The following PCDHGA5 variants were observed in gnomAD, a reference collection of about 807,000 sequenced individuals.
PCDHGA5 encodes protocadherin gamma subfamily A, 5, also known as protocadherin gamma-A5.
A neutral mutation model predicts 56.7 loss-of-function variants in PCDHGA5; 36 were observed. That is an observed-to-expected ratio of 0.64 (90% confidence interval 0.49 to 0.84). The LOEUF (loss-of-function observed/expected upper bound fraction) is 0.84, where lower values mean the gene tolerates loss of function less well. Ranked by LOEUF, PCDHGA5 falls within the 40% of genes least tolerant of loss-of-function variation. The pLI, the probability that PCDHGA5 is intolerant of heterozygous loss-of-function variation, is 0.00. For missense variants in PCDHGA5, 1,305 were observed against 1,201.5 expected (o/e 1.09, Z -1.27); for synonymous variants, 563 against 520.2 (o/e 1.08, Z -1.12).
At chr5:141,449,380 G>C (rs1011160817) in intron 1 of PCDHGA5, among the ~76,000 whole-genome samples, 3 of 151,950 alleles carry the variant, frequency 2.0e-5, no homozygotes, top group African/African-American at 7.3e-5. Flanking sequence ...GCTGAGGCAG[G>C]TGGATTACTT....
At chr5:141,413,035 C>A (rs1481573261) in intron 1 of PCDHGA5, 2 of 800,134 alleles carry the variant, frequency 2.5e-6, no homozygotes, top group African/African-American at 1.7e-5. Context: ...AAACCGGCTG[C>A]TGGGCTGCAG....
At chr5:141,503,384 C>G (rs898225633) in intron 2 of PCDHGA5, among the ~76,000 whole-genome samples, 1 of 151,906 alleles carries the variant, frequency 6.6e-6, no homozygotes, top group Non-Finnish European at 1.5e-5. Flanking sequence ...ATCATGAGGT[C>G]AGGAGTTCGA....
intron 1 of PCDHGA5, among the ~76,000 whole-genome samples, chr5:141,457,465 A>G (rs915755113): frequency 1.3e-5 from 2 of 152,194 alleles, no homozygotes; most frequent in African/African-American, 2.4e-5. Context: ...GATTCACAGG[A>G]ATAAGCAGGG....
intron 1 of PCDHGA5, chr5:141,399,539 G>A (rs1324095299): frequency 1.2e-6 from 2 of 1,614,050 alleles, no homozygotes; most frequent in Non-Finnish European, 1.7e-6. Flanking sequence ...GCGCAAGTCT[G>A]CGCCTCGGAC....
At chr5:141,457,554 G>A (rs2098924282) in intron 1 of PCDHGA5, among the ~76,000 whole-genome samples, 1 of 152,166 alleles carries the variant, frequency 6.6e-6, no homozygotes, top group Admixed American at 6.5e-5. Flanking sequence ...TGTATGATAA[G>A]CTTTGGAGCA....
chr5:141,495,109 C>A (rs1445945970), intron 2 of PCDHGA5, among the ~76,000 whole-genome samples: 3 of 152,278 alleles, frequency 2.0e-5, no homozygotes, highest in South Asian at 2.1e-4. Context: ...CGACCGGCAC[C>A]TTTTCCTATC....
At chr5:141,507,432 C>T (rs2099860585) in intron 3 of PCDHGA5, 1 of 152,198 alleles carries the variant, frequency 6.6e-6, no homozygotes. Flanking sequence ...GGGGCCAGGC[C>T]TACAGCTGAC....
At chr5:141,469,836 T>C (rs2099212875) in intron 1 of PCDHGA5, among the ~76,000 whole-genome samples, 1 of 152,064 alleles carries the variant, frequency 6.6e-6, no homozygotes, top group South Asian at 2.1e-4. Flanking sequence ...ATAAAACTTA[T>C]TCTTAAGATT....
Position 141,400,542 on chromosome 5 carries a change from C to G in PCDHGA5, c.2421+33791C>G, listed in dbSNP as rs373097307. On this transcript the variant is annotated intron_variant, in intron 1 of 3. Transcript: ENST00000518069. ...CTGAGTTGGTGAGTTTCATTTATGT[C>G]TATTCTTTTTCATTACCCACCCAAT... 5.6e-6 allele frequency: 9 copies of G among 1,613,628 alleles called. No individual in the cohort carries two copies. In the African/African-American group the frequency reaches 8.0e-5, roughly 14 times the overall value.
intron 1 of PCDHGA5, chr5:141,399,206 C>T (rs2093769623): frequency 1.2e-6 from 2 of 1,613,908 alleles, no homozygotes; most frequent in South Asian, 2.2e-5. Flanking sequence ...GTGCCTGGAA[C>T]ACTAATTGCT....
intron 1 of PCDHGA5, chr5:141,370,363 G>A: frequency 1.3e-6 from 2 of 1,518,634 alleles, no homozygotes; most frequent in South Asian, 1.3e-5. Context: ...TCCTCTCCTC[G>A]GATTTAGAAA....
At chr5:141,370,625 G>T (rs984746872) in intron 1 of PCDHGA5, 1 of 1,613,980 alleles carries the variant, frequency 6.2e-7, no homozygotes, top group Non-Finnish European at 8.5e-7. Context: ...TCTTTACCGT[G>T]AGCCCCGAAA....
chr5:141,472,505 A>G (rs1041224118), intron 1 of PCDHGA5, among the ~76,000 whole-genome samples: 4 of 152,004 alleles, frequency 2.6e-5, no homozygotes, highest in African/African-American at 7.3e-5. Context: ...GTGCCACTGC[A>G]CTCCAGCCTG....
chr5:141,389,405 G>A (rs758428464), intron 1 of PCDHGA5: 16 of 1,613,614 alleles, frequency 9.9e-6, no homozygotes. Flanking sequence ...CCATAAGCGC[G>A]GAGAGCGGGG....
chr5:141,409,405 C>G, intron 1 of PCDHGA5: 1 of 1,614,050 alleles, frequency 6.2e-7, no homozygotes, highest in Non-Finnish European at 8.5e-7. Flanking sequence ...CCAATAACTA[C>G]TACAAACTGG....
intron 1 of PCDHGA5, among the ~76,000 whole-genome samples, chr5:141,450,726 A>G (rs1302961852): frequency 2.0e-5 from 3 of 151,932 alleles, no homozygotes; most frequent in Admixed American, 2.0e-4. Flanking sequence ...ACCTCAGGTG[A>G]TCCGCCCGCC....
chr5:141,373,908 A>C, intron 1 of PCDHGA5: 1 of 621,550 alleles, frequency 1.6e-6, no homozygotes, highest in Non-Finnish European at 2.6e-6. Flanking sequence ...ATCCTCCAAC[A>C]ACAAAGCAAA....
rs766042374 is a variant in PCDHGA5 at position 141,418,520 on chromosome 5, C to A, written c.2421+51769C>A. ...GACCGCCTTAGATGGTGGGGACCCTCCCCGAAGCGGTACTGCTCAGATAAG... is the reference window on the plus strand; with the variant it reads ...GACCGCCTTAGATGGTGGGGACCCTACCCGAAGCGGTACTGCTCAGATAAG... On this transcript the variant is annotated intron_variant, in intron 1 of 3. Transcript: ENST00000518069. 6 of 1,613,818 alleles carry A rather than the reference C, an allele frequency of 3.7e-6. No individual in the cohort carries two copies. The highest frequency in any genetic ancestry group is 5.1e-6 in the Non-Finnish European group (6 of 1,179,890).
rs188091361 is a variant in PCDHGA5, at chr5:141,375,199, C to T, written c.2421+8448C>T. 47 of 1,613,924 alleles carry T rather than the reference C, an allele frequency of 2.9e-5. No individual in the cohort carries two copies. The South Asian group carries it at 4.7e-4, about 16-fold the overall frequency. ...CAGTAATCGCCCTTTTTCAAGTGTT[C>T]GATCGAGACTCTGGCCTGAATGGCC... On this transcript the variant is annotated intron_variant, in intron 1 of 3. Transcript: ENST00000518069.
Sources: gnomAD v4.1 joint callset for allele counts (sites outside exome capture counted in the v4.1 genomes callset) on GRCh38, gnomAD v4.1.1 for gene constraint, MANE v1.5 for transcripts, NCBI Gene and HGNC (gene_info 2026-07-23, HGNC 2026-07-21) for gene names.